Variants in TENM2 observed in about 807,000 individuals in gnomAD.
The protein encoded by TENM2 is teneurin transmembrane protein 2, also known as teneurin-2.
TENM2 carries 52 observed loss-of-function variants against 245.2 expected under a neutral mutation model. That is an observed-to-expected ratio of 0.21 (90% CI 0.17 to 0.27). TENM2 has a LOEUF of 0.27. TENM2 is among the 10% of genes least tolerant of loss of function. The pLI is 1.00. For missense variants in TENM2, 3,046 were observed against 3,666.8 expected (o/e 0.83, Z 4.37); for synonymous variants, 1,363 against 1,438.9 (o/e 0.95, Z 1.19).
intron 1 of TENM2, among the ~76,000 whole-genome samples, chr5:167,343,366 T>A (rs1191870677): frequency 2.6e-5 from 4 of 152,206 alleles, no homozygotes; most frequent in African/African-American, 4.8e-5. Context: ...CAATTTTTGA[T>A]GTGATATGTC....
intron 2 of TENM2, among the ~76,000 whole-genome samples, chr5:167,737,612 T>C (rs1334546985): frequency 2.6e-5 from 4 of 152,130 alleles, no homozygotes; most frequent in African/African-American, 9.7e-5. Flanking sequence ...ACAATCATGC[T>C]GGGGAGTCCA....
At chr5:167,155,819 A>T in the TENM2 span, among the ~76,000 whole-genome samples, 3 of 152,200 alleles carry the variant, frequency 2.0e-5, no homozygotes, top group Non-Finnish European at 4.4e-5. Context: ...ACTGACAAGG[A>T]TTTGCTGCAC....
At chr5:166,993,064 G>A in the TENM2 span, among the ~76,000 whole-genome samples, 1 of 151,714 alleles carries the variant, frequency 6.6e-6, no homozygotes, top group African/African-American at 2.4e-5. Flanking sequence ...TTAAACTATT[G>A]TAGGCTATCT....
chr5:167,267,200 G>A, the TENM2 span, among the ~76,000 whole-genome samples: 1 of 151,952 alleles, frequency 6.6e-6, no homozygotes, highest in African/African-American at 2.4e-5. Context: ...TTGTTCTTTG[G>A]GTCCTTAGTC....
chr5:167,851,812 AT>A (rs1418805412), intron 2 of TENM2, among the ~76,000 whole-genome samples: 1 of 152,212 alleles, frequency 6.6e-6, no homozygotes, highest in East Asian at 1.9e-4. Flanking sequence ...TCTTCCCTTC[AT>A]TTCTCCCATG....
At chr5:167,094,077 C>T in the TENM2 span, among the ~76,000 whole-genome samples, 1 of 152,080 alleles carries the variant, frequency 6.6e-6, no homozygotes, top group Admixed American at 6.5e-5. Flanking sequence ...TGGGCACATG[C>T]CTAGTAATTA....
chr5:167,431,947 A>ATTTATATATATG (rs1764258493), intron 2 of TENM2, among the ~76,000 whole-genome samples: 1 of 134,518 alleles, frequency 7.4e-6, no homozygotes, highest in Non-Finnish European at 1.5e-5. Flanking sequence ...ATACATATAT[A>ATTTATATATATG]TGTATATATA....
intron 3 of TENM2, chr5:167,949,065 G>C (rs1779868898): frequency 6.6e-6 from 1 of 152,186 alleles, no homozygotes; most frequent in Non-Finnish European, 1.5e-5. Context: ...TAGCAGAGGT[G>C]CTTCATACTA....
chr5:168,040,732 A>G (rs2152005186), intron 5 of TENM2, among the ~76,000 whole-genome samples: 1 of 152,356 alleles, frequency 6.6e-6, no homozygotes, highest in East Asian at 1.9e-4. Context: ...CACTGACAGC[A>G]TTCCTAAAAA....
At position 168,040,886 on chromosome 5, in the gene TENM2, G is replaced by A. The variant is rs146352521; in HGVS notation, c.1187-6541G>A. On this transcript the variant is annotated intron_variant, in intron 5 of 28. Transcript: ENST00000518659. ...GGCCTGACTGGCAATTGAAGTTGCC[G>A]AGCAGATTTATTTTACGTTGACAAT... Among the ~76,000 whole-genome samples the A allele has an allele frequency of 1.8e-3, 270 of 152,270 alleles. 1 individual carries two copies. Among genetic ancestry groups the A allele is most frequent in the Non-Finnish European group, 2.7e-3 (187 of 68,020 alleles).
intron 1 of TENM2, among the ~76,000 whole-genome samples, chr5:167,329,063 A>C (rs1268959898): frequency 6.6e-6 from 1 of 152,182 alleles, no homozygotes; most frequent in East Asian, 1.9e-4. Flanking sequence ...TTGTTATAAT[A>C]ACTAAAGTTG....
At chr5:167,186,337 C>T in the TENM2 span, among the ~76,000 whole-genome samples, 10 of 152,128 alleles carry the variant, frequency 6.6e-5, no homozygotes, top group Non-Finnish European at 1.0e-4. Context: ...GTACTTCTGA[C>T]CTTTGTGACC....
intron 2 of TENM2, among the ~76,000 whole-genome samples, chr5:167,428,209 A>G (rs1763995836): frequency 6.6e-6 from 1 of 152,218 alleles, no homozygotes; most frequent in Non-Finnish European, 1.5e-5. Context: ...GAGTTTTTTA[A>G]AAAATTAATT....
the TENM2 span, among the ~76,000 whole-genome samples, chr5:167,043,042 T>C: frequency 6.6e-6 from 1 of 152,238 alleles, no homozygotes; most frequent in Admixed American, 6.5e-5. Flanking sequence ...TTCTAATTTA[T>C]TGATCTCCAA....
rs944772339 is a variant in TENM2 at position 168,084,000 on chromosome 5, T to A, written c.1516-6574T>A. ...ATACCCAATGCTTAGCTCCCACTTA[T>A]AAGTGAGAACATGTAGTGTTTGGTC... On this transcript the variant is annotated intron_variant, in intron 7 of 28. Transcript: ENST00000518659. Among the ~76,000 whole-genome samples, 7 of 152,354 alleles carry A rather than the reference T, an allele frequency of 4.6e-5. No homozygotes were observed. In the East Asian group the frequency reaches 1.4e-3, roughly 29 times the overall value.
intron 12 of TENM2, among the ~76,000 whole-genome samples, chr5:168,131,615 G>A (rs138423576): frequency 8.1e-4 from 123 of 152,338 alleles, no homozygotes; most frequent in African/African-American, 2.7e-3. Context: ...AAGAGGGAGA[G>A]TGCTTCAGAA....
At chr5:168,190,636 C>G (rs749422570) in intron 14 of TENM2, 89 bp downstream of exon 16, 20 of 1,241,814 alleles carry the variant, frequency 1.6e-5, no homozygotes, top group Non-Finnish European at 2.3e-5. Flanking sequence ...TCCCGGGGAC[C>G]CAATTGGCCT....
chr5:168,089,457 G>A (rs1046255157), intron 7 of TENM2, among the ~76,000 whole-genome samples: 1 of 152,064 alleles, frequency 6.6e-6, no homozygotes, highest in Non-Finnish European at 1.5e-5. Flanking sequence ...CTATTATTTA[G>A]AACAGGCCTC....
At chr5:167,242,046 G>GTTTTTTTTTTTT in the TENM2 span, among the ~76,000 whole-genome samples, 2 of 131,500 alleles carry the variant, frequency 1.5e-5, no homozygotes, top group African/African-American at 5.7e-5. Context: ...TTTGTTTTTT[G>GTTTTTTTTTTTT]TTTTTTTTTT....
Sources: allele counts gnomAD v4.1 joint callset (sites outside exome capture counted in the v4.1 genomes callset), GRCh38; gene constraint gnomAD v4.1.1; transcripts MANE v1.5; gene names NCBI Gene and HGNC (gene_info 2026-07-23, HGNC 2026-07-21).